KDM6A: variants seen among roughly 807,000 people sequenced by gnomAD.
The protein encoded by KDM6A is lysine-specific demethylase 6A.
In KDM6A, 11 loss-of-function variants were observed where a neutral mutation model predicts 117.6. The observed-to-expected ratio is 0.09, with a 90% CI of 0.06 to 0.15. The LOEUF is 0.15. Ranked by LOEUF, KDM6A falls within the 10% of genes least tolerant of loss-of-function variation. KDM6A has a pLI of 1.00. For missense variants in KDM6A, 799 were observed against 1,077.3 expected (o/e 0.74, Z 3.62); for synonymous variants, 384 against 396.1 (o/e 0.97, Z 0.36).
chrX:45,078,448 A>T lies in KDM6A; in HGVS notation c.3037A>T (p.Thr1013Ser). The change falls in exon 20 of 30, where the codon ACA becomes TCA. Residue 1013 changes from threonine to serine, a missense_variant. Physicochemically the swap from Thr to Ser is moderately conservative, Grantham distance 58. This residue lies in a region of KDM6A where 291 missense variants were observed against 437.9 expected (regional missense o/e 0.66). Coordinates refer to ENST00000611820, the MANE Select transcript of KDM6A (RefSeq NM_001291415.2). ...AFFPPLHQFC[T>S]NPNNPVTVIR... ...CTTTCCTCCATTACATCAATTTTGTACAAATCCGAACAACCCTGTTACAGT... is the reference window on the plus strand; with the variant it reads ...CTTTCCTCCATTACATCAATTTTGTTCAAATCCGAACAACCCTGTTACAGT... 1 of 1,210,083 alleles carries T rather than the reference A, an allele frequency of 8.3e-7. No individual in the cohort carries two copies.
intron 16 of KDM6A, among the ~76,000 whole-genome samples, 179 bp downstream of exon 16, chrX:45,062,927 C>T (rs954887761): frequency 4.5e-5 from 5 of 111,939 alleles, no homozygotes; most frequent in African/African-American, 1.6e-4. Context: ...ACAAAAGCAA[C>T]TATAATTTTG....
At chrX:45,014,234 T>C (rs1474757988) in intron 5 of KDM6A, among the ~76,000 whole-genome samples, 1 of 112,300 alleles carries the variant, frequency 8.9e-6, no homozygotes, top group Non-Finnish European at 1.9e-5. Context: ...TTATTAGTTA[T>C]AGTGTTACTC....
chrX:44,888,291 C>T (rs1328823227), intron 2 of KDM6A, among the ~76,000 whole-genome samples: 1 of 112,183 alleles, frequency 8.9e-6, no homozygotes, highest in Non-Finnish European at 1.9e-5. Flanking sequence ...GGCGACAGAG[C>T]GAGACTCCCT....
At chrX:44,991,025 T>C (rs1245938085) in intron 4 of KDM6A, among the ~76,000 whole-genome samples, 1 of 112,220 alleles carries the variant, frequency 8.9e-6, no homozygotes, top group South Asian at 3.6e-4. Context: ...CCTGTTAAAC[T>C]CTCTGGGATT....
intron 24 of KDM6A, among the ~76,000 whole-genome samples, chrX:45,085,203 A>AC (rs1366238952): frequency 8.9e-6 from 1 of 111,811 alleles, no homozygotes; most frequent in African/African-American, 3.3e-5. Context: ...TATGGGGTAA[A>AC]CACTGTTCCT....
intron 2 of KDM6A, among the ~76,000 whole-genome samples, chrX:44,920,030 G>A (rs1399320188): frequency 8.9e-6 from 1 of 112,355 alleles, no homozygotes; most frequent in African/African-American, 3.2e-5. Context: ...TACTTTGTAT[G>A]ATTTGAATCT....
chrX:44,914,685 C>G (rs956468121), intron 2 of KDM6A, among the ~76,000 whole-genome samples: 2 of 110,848 alleles, frequency 1.8e-5, no homozygotes, highest in Non-Finnish European at 3.8e-5. Flanking sequence ...CATCAAAGTA[C>G]CAGTTTTTGT....
At chrX:45,102,087 G>A (rs1202977187) in intron 27 of KDM6A, among the ~76,000 whole-genome samples, 1 of 111,536 alleles carries the variant, frequency 9.0e-6, no homozygotes, top group Non-Finnish European at 1.9e-5. Context: ...TCGTGAAGTT[G>A]ATATTTTACC....
At chrX:44,933,906 G>C (rs762351715) in intron 2 of KDM6A, among the ~76,000 whole-genome samples, 1 of 112,094 alleles carries the variant, frequency 8.9e-6, no homozygotes. Flanking sequence ...GGATAATGTC[G>C]ATATTTTAAA....
intron 19 of KDM6A, among the ~76,000 whole-genome samples, chrX:45,077,679 T>C (rs1487694744): frequency 9.0e-6 from 1 of 111,275 alleles, no homozygotes; most frequent in Non-Finnish European, 1.9e-5. Flanking sequence ...AAATGCAAAA[T>C]TAAGTTTTTA....
At chrX:45,089,339 C>G (rs2045790621) in intron 25 of KDM6A, among the ~76,000 whole-genome samples, 1 of 110,380 alleles carries the variant, frequency 9.1e-6, no homozygotes, top group African/African-American at 3.3e-5. Context: ...CCAGCTTGGC[C>G]AACCTGGTGA....
intron 5 of KDM6A, among the ~76,000 whole-genome samples, chrX:45,013,628 C>T (rs892009919): frequency 9.0e-6 from 1 of 111,716 alleles, no homozygotes. Flanking sequence ...TTAATAAGTG[C>T]CCCCTGCTCT....
intron 5 of KDM6A, among the ~76,000 whole-genome samples, chrX:45,020,163 A>G (rs1242085283): frequency 8.9e-6 from 1 of 111,780 alleles, no homozygotes; most frequent in Admixed American, 9.5e-5. Context: ...TTGTAAGCCT[A>G]AATATGAAAG....
At chrX:44,942,448 G>A (rs746304278) in intron 2 of KDM6A, among the ~76,000 whole-genome samples, 2 of 110,850 alleles carry the variant, frequency 1.8e-5, no homozygotes, top group Admixed American at 9.7e-5. Context: ...CTGTTGATCT[G>A]TATCTTCTGT....
At chrX:44,934,657 A>G (rs899790869) in intron 2 of KDM6A, among the ~76,000 whole-genome samples, 1 of 111,602 alleles carries the variant, frequency 9.0e-6, no homozygotes, top group Non-Finnish European at 1.9e-5. Flanking sequence ...ACCAGTAGAT[A>G]GCCTACGCCC....
intron 3 of KDM6A, among the ~76,000 whole-genome samples, chrX:44,965,231 A>G (rs1245883684): frequency 8.9e-6 from 1 of 111,933 alleles, no homozygotes; most frequent in East Asian, 2.8e-4. Context: ...TGTTTTATCC[A>G]GACCACTCAG....
intron 25 of KDM6A, chrX:45,086,201 C>T: frequency 3.0e-6 from 1 of 337,077 alleles, no homozygotes; most frequent in Non-Finnish European, 5.2e-6. Context: ...TAGTAGTACC[C>T]ATGAATTAAG....
intron 2 of KDM6A, among the ~76,000 whole-genome samples, chrX:44,901,377 T>TAC (rs2034336877): frequency 9.0e-6 from 1 of 110,629 alleles, no homozygotes; most frequent in East Asian, 2.8e-4. Flanking sequence ...TATATATATA[T>TAC]ACGGGGACTT....
chrX:45,105,326 G>T (rs1174430090), intron 27 of KDM6A, among the ~76,000 whole-genome samples: 2 of 111,830 alleles, frequency 1.8e-5, no homozygotes, highest in Non-Finnish European at 3.8e-5. Flanking sequence ...TTGTTAGGAG[G>T]CTTACTTGGC....
Sources: gnomAD v4.1 joint callset for allele counts (sites outside exome capture counted in the v4.1 genomes callset) on GRCh38, gnomAD v4.1.1 for gene constraint, gnomAD v4.1.1 regional missense constraint, MANE v1.5 for transcripts, NCBI Gene and HGNC (gene_info 2026-07-23, HGNC 2026-07-21) for gene names.